Variants in MED13L observed in about 807,000 individuals in gnomAD.
The protein encoded by MED13L is mediator of RNA polymerase II transcription subunit 13-like.
In MED13L, 7 loss-of-function variants were observed where a neutral mutation model predicts 220.9. That is an observed-to-expected ratio of 0.03 (90% confidence interval 0.02 to 0.06). MED13L has a LOEUF of 0.06. MED13L is among the 10% of genes least tolerant of loss of function. The probability of loss-of-function intolerance (pLI) is 1.00; values close to 1 mark genes in which losing one functional copy is unlikely to be tolerated. For synonymous variants in MED13L, 1,011 were observed against 1,015.2 expected (o/e 1.00, Z 0.08); for missense variants, 1,965 against 2,760.5 (o/e 0.71, Z 6.46).
At chr12:116,153,258 G>C (rs1878192013) in intron 2 of MED13L, among the ~76,000 whole-genome samples, 1 of 152,196 alleles carries the variant, frequency 6.6e-6, no homozygotes, top group Admixed American at 6.6e-5. Flanking sequence ...GAGGGGAGGG[G>C]AGTGTTTAAC....
chr12:116,096,689 A>C lies in MED13L; in HGVS notation c.459T>G (p.Asp153Glu). 6.2e-7 allele frequency: 1 copy of C among 1,614,028 alleles called. No homozygotes were observed. Among genetic ancestry groups the C allele is most frequent in the South Asian group, 1.1e-5 (1 of 91,080 alleles). ...GKWFVRPYEK[D>E]EKPVNKSEHL... is the part of the protein sequence containing the mutation. ...CTCACCTTTTGTTGACTGGCTTTTC[A>C]TCCTTTTCGTAGGGTCGGACAAACC... Residue 153 changes from aspartate to glutamate, a missense_variant, in exon 4 of 31, where the codon GAT (aspartate) becomes GAG (glutamate). Physicochemically the swap from Asp to Glu is conservative, Grantham distance 45. This residue lies in a region of MED13L where 818 missense variants were observed against 1,041.2 expected (regional missense o/e 0.79). Transcript: ENST00000281928.
intron 2 of MED13L, chr12:116,174,613 T>G (rs1370015795): frequency 1.3e-5 from 2 of 152,166 alleles, no homozygotes; most frequent in African/African-American, 4.8e-5. Context: ...CCAATCCAGA[T>G]TTTGGTTAAA....
chr12:116,102,706 TTTTC>T (rs1395707708), intron 3 of MED13L, among the ~76,000 whole-genome samples: 1,037 of 92,344 alleles, frequency 0.011, 12 homozygotes, highest in Non-Finnish European at 0.016. Context: ...TCTTTTTCTT[TTTTC>T]TTTTTTTTTT....
intron 2 of MED13L, among the ~76,000 whole-genome samples, chr12:116,192,342 T>C (rs755711669): frequency 6.6e-6 from 1 of 152,120 alleles, no homozygotes; most frequent in Non-Finnish European, 1.5e-5. Flanking sequence ...TGAAGAAAAA[T>C]GTAACACAAT....
intron 2 of MED13L, among the ~76,000 whole-genome samples, chr12:116,127,280 T>C (rs773791582): frequency 6.6e-6 from 1 of 152,246 alleles, no homozygotes; most frequent in African/African-American, 2.4e-5. Context: ...TTGTTTGTTA[T>C]AACTCATAAT....
chr12:116,117,201 G>GT (rs1874600942), intron 2 of MED13L, among the ~76,000 whole-genome samples: 1 of 152,038 alleles, frequency 6.6e-6, no homozygotes, highest in South Asian at 2.1e-4. Flanking sequence ...ACTATGTGCT[G>GT]TATGATTCAT....
At chr12:115,972,980 C>A (rs558464697) in intron 25 of MED13L, among the ~76,000 whole-genome samples, 1 of 152,244 alleles carries the variant, frequency 6.6e-6, no homozygotes, top group South Asian at 2.1e-4. Flanking sequence ...GCTTTCGGAT[C>A]CCATCTTGCT....
At position 116,002,187 on chromosome 12, in the gene MED13L, T is replaced by A. The variant is rs1173676354; in HGVS notation, c.2569+816A>T. Among the ~76,000 whole-genome samples, 3 of 152,214 alleles carry A rather than the reference T, an allele frequency of 2.0e-5. No individual in the cohort carries two copies. The East Asian group carries it at 5.8e-4, about 29-fold the overall frequency. ...TCACCCATGTCATGCTTGAGAAAGC[T>A]TTGCATATTTTAAAAAGCTATGGAT... On this transcript the variant is annotated intron_variant, in intron 14 of 30. Transcript: ENST00000281928.
At chr12:116,006,550 A>C in intron 11 of MED13L, 139 bp from the exon 12 acceptor site, 1 of 732,776 alleles carries the variant, frequency 1.4e-6, no homozygotes, top group Non-Finnish European at 2.4e-6. Context: ...TATGCAACCA[A>C]AGGAAGTAAA....
intron 2 of MED13L, among the ~76,000 whole-genome samples, chr12:116,164,939 T>C (rs1879139380): frequency 2.0e-5 from 3 of 152,356 alleles, no homozygotes; most frequent in South Asian, 4.1e-4. Context: ...AAGCAAAAAG[T>C]GTAGCTGGAG....
intron 1 of MED13L, among the ~76,000 whole-genome samples, chr12:116,259,237 A>C (rs1403085241): frequency 3.9e-5 from 6 of 152,220 alleles, no homozygotes; most frequent in Non-Finnish European, 8.8e-5. Flanking sequence ...AAATACTTGA[A>C]GACAATGTTA....
At chr12:116,270,935 G>A (rs1040904527) in intron 1 of MED13L, among the ~76,000 whole-genome samples, 2 of 150,752 alleles carry the variant, frequency 1.3e-5, no homozygotes, top group Admixed American at 6.6e-5. Flanking sequence ...CCAGCTACTC[G>A]GGAGGCTGAG....
At chr12:116,159,461 T>C (rs528765179) in intron 2 of MED13L, among the ~76,000 whole-genome samples, 111 of 152,304 alleles carry the variant, frequency 7.3e-4, no homozygotes, top group African/African-American at 2.5e-3. Flanking sequence ...TTTCCTCTCA[T>C]TACTTTTATA....
chr12:116,021,499 G>C (rs1880058106), intron 5 of MED13L, among the ~76,000 whole-genome samples: 1 of 152,010 alleles, frequency 6.6e-6, no homozygotes, highest in African/African-American at 2.4e-5. Context: ...TTTTCTAGTA[G>C]TTTTATTATA....
chr12:116,137,774 A>T (rs1044944674), intron 2 of MED13L, among the ~76,000 whole-genome samples: 1 of 152,152 alleles, frequency 6.6e-6, no homozygotes, highest in African/African-American at 2.4e-5. Flanking sequence ...AAACTTGTCT[A>T]AAAAATACGG....
Position 115,963,525 on chromosome 12 carries a change from G to GA in MED13L, c.6388-7dup, listed in dbSNP as rs753004245. The GA allele has an allele frequency of 1.7e-5, 28 of 1,605,076 alleles. No homozygotes were observed. The highest frequency in any genetic ancestry group is 2.7e-5 in the African/African-American group (2 of 74,708). ...ATGTGGTGATGCAGCGAAGCCTGGTGAAAAAACAAAGAGAGTTACCTCTCT... is the reference window on the plus strand; with the variant it reads ...ATGTGGTGATGCAGCGAAGCCTGGTGAAAAAAACAAAGAGAGTTACCTCTCT... On this transcript the variant is annotated splice_region_variant and splice_polypyrimidine_tract_variant and intron_variant, in intron 29 of 30. Transcript: ENST00000281928.
chr12:115,993,858 GAA>G (rs1878230398), intron 16 of MED13L, among the ~76,000 whole-genome samples: 1 of 152,162 alleles, frequency 6.6e-6, no homozygotes, highest in African/African-American at 2.4e-5. Flanking sequence ...AGTCAAAAGT[GAA>G]AAAGAGAAAC....
intron 4 of MED13L, among the ~76,000 whole-genome samples, chr12:116,053,391 A>C (rs745488754): frequency 6.6e-6 from 1 of 152,206 alleles, no homozygotes; most frequent in Admixed American, 6.5e-5. Flanking sequence ...TCTGGCTGAG[A>C]GAATCAAGAG....
At chr12:116,000,427 T>A (rs927078981) in intron 14 of MED13L, among the ~76,000 whole-genome samples, 1 of 152,188 alleles carries the variant, frequency 6.6e-6, no homozygotes, top group Non-Finnish European at 1.5e-5. Flanking sequence ...CAGCGGGAAC[T>A]CATAAGACAC....
Sources: allele counts gnomAD v4.1 joint callset (sites outside exome capture counted in the v4.1 genomes callset), GRCh38; gene constraint gnomAD v4.1.1; regional missense constraint gnomAD v4.1.1; transcripts MANE v1.5; gene names NCBI Gene and HGNC (gene_info 2026-07-23, HGNC 2026-07-21).